The following CDH4 variants were observed in gnomAD, a reference collection of about 807,000 sequenced individuals.
CDH4 encodes the protein cadherin-4.
A neutral mutation model predicts 86.0 loss-of-function variants in CDH4; 33 were observed. The ratio of observed to expected loss-of-function variants is 0.38; its 90% CI spans 0.29 to 0.51. The LOEUF (loss-of-function observed/expected upper bound fraction) is 0.51, where lower values mean the gene tolerates loss of function less well. Among genes scored for constraint, CDH4 ranks in the 20% least tolerant of loss-of-function variants. CDH4 has a pLI of 0.86. For synonymous variants in CDH4, 555 were observed against 549.4 expected (o/e 1.01, Z -0.14); for missense variants, 1,114 against 1,307.4 (o/e 0.85, Z 2.28).
At chr20:61,556,415 T>G (rs2086177957) in intron 2 of CDH4, among the ~76,000 whole-genome samples, 1 of 152,182 alleles carries the variant, frequency 6.6e-6, no homozygotes, top group Admixed American at 6.5e-5. Flanking sequence ...GCAGAGGAAC[T>G]GTGTTATAAT....
In CDH4 at chr20:61,656,457, G is replaced by A. The variant is rs910381804; in HGVS notation, c.170-87106G>A. Among the ~76,000 whole-genome samples, 56 of 152,030 alleles carry A rather than the reference G, an allele frequency of 3.7e-4. 3 individuals are homozygous for A. The highest frequency in any genetic ancestry group is 2.9e-5 in the Non-Finnish European group (2 of 67,984). On this transcript the variant is annotated intron_variant, in intron 2 of 15. Transcript: ENST00000614565. ...GCTGGGGTGGAAAGGTTTGTGATTG[G>A]GTGGACAGGTGCGTGTTGGGGTGGG...
At chr20:61,634,739 G>A (rs934136479) in intron 2 of CDH4, among the ~76,000 whole-genome samples, 1 of 152,206 alleles carries the variant, frequency 6.6e-6, no homozygotes. Context: ...TCACATAGCT[G>A]TGCGGACATC....
At chr20:61,885,781 G>C (rs1191097804) in intron 7 of CDH4, among the ~76,000 whole-genome samples, 1 of 152,196 alleles carries the variant, frequency 6.6e-6, no homozygotes, top group Non-Finnish European at 1.5e-5. Flanking sequence ...TCAGGCTCCG[G>C]ACAGACCCCA....
chr20:61,932,914 C>T (rs1483639101), intron 13 of CDH4, 71 bp from the exon 14 acceptor site: 4 of 1,566,390 alleles, frequency 2.6e-6, no homozygotes, highest in South Asian at 1.2e-5. Context: ...CACATAGACA[C>T]ATGGCAAACA....
intron 2 of CDH4, among the ~76,000 whole-genome samples, chr20:61,400,583 G>A (rs2085044020): frequency 6.6e-6 from 1 of 152,176 alleles, no homozygotes. Flanking sequence ...GCTCCATATG[G>A]TCACGCATGG....
intron 2 of CDH4, among the ~76,000 whole-genome samples, chr20:61,727,211 C>T (rs2088125565): frequency 2.0e-5 from 3 of 151,164 alleles, no homozygotes; most frequent in African/African-American, 7.3e-5. Flanking sequence ...ATCTTCACCA[C>T]CGGAGCCATC....
At chr20:61,685,566 GCTTT>G (rs1229246098) in intron 2 of CDH4, among the ~76,000 whole-genome samples, 1 of 152,228 alleles carries the variant, frequency 6.6e-6, no homozygotes, top group Non-Finnish European at 1.5e-5. Context: ...TGTTTGTGGC[GCTTT>G]CTGTCAGTGT....
At chr20:61,733,568 A>G (rs2088222147) in intron 2 of CDH4, among the ~76,000 whole-genome samples, 2 of 152,080 alleles carry the variant, frequency 1.3e-5, no homozygotes. Context: ...TTCCCACCAC[A>G]CTACATGCCA....
chr20:61,702,151 G>A (rs1193323018), intron 2 of CDH4, among the ~76,000 whole-genome samples: 1 of 152,230 alleles, frequency 6.6e-6, no homozygotes, highest in Non-Finnish European at 1.5e-5. Context: ...TTCTCATGCT[G>A]AGAGTTGGCC....
intron 8 of CDH4, among the ~76,000 whole-genome samples, chr20:61,898,982 C>T (rs758960442): frequency 1.8e-4 from 28 of 152,152 alleles, no homozygotes; most frequent in Non-Finnish European, 3.2e-4. Flanking sequence ...ACCTTCTCAG[C>T]CCAGTTTCCC....
At chr20:61,396,724 G>C (rs6142818) in intron 2 of CDH4, among the ~76,000 whole-genome samples, 34,766 of 152,116 alleles carry the variant, frequency 0.23, 4,049 homozygotes, top group East Asian at 0.39. Flanking sequence ...CGGAGGCCCC[G>C]AAGGGGTAGC....
intron 4 of CDH4, among the ~76,000 whole-genome samples, chr20:61,806,775 A>G (rs1311973986): frequency 6.6e-6 from 1 of 152,158 alleles, no homozygotes; most frequent in African/African-American, 2.4e-5. Context: ...GGACATGTTC[A>G]TCAACATGCA....
rs1351221615 is a variant in CDH4, at chr20:61,254,836, A to G, written c.68A>G (p.Glu23Gly). 1 of 1,597,428 alleles carries G rather than the reference A, an allele frequency of 6.3e-7. No homozygotes were observed. The highest frequency in any genetic ancestry group is 1.7e-5 in the Admixed American group (1 of 60,014). ...SLSGALRAHN[E>G]DLTTRETCKA... ...CCTTTGTGTTCTCAGGCCCATAATG[A>G]GGATCTTACAACTAGAGAGACCTGC... Residue 23 changes from glutamate to glycine, a missense_variant, in exon 2 of 16, where the codon GAG (glutamate) becomes GGG (glycine). By Grantham distance (98) the Glu-to-Gly change is moderately conservative. Coordinates refer to ENST00000614565, the MANE Select transcript of CDH4 (RefSeq NM_001794.5).
intron 2 of CDH4, among the ~76,000 whole-genome samples, chr20:61,536,844 A>G (rs2086001046): frequency 6.6e-6 from 1 of 152,176 alleles, no homozygotes; most frequent in Non-Finnish European, 1.5e-5. Context: ...GGCACAGCAG[A>G]GAGCTGGCCA....
intron 4 of CDH4, among the ~76,000 whole-genome samples, chr20:61,842,927 T>G (rs1214590731): frequency 6.6e-6 from 1 of 152,222 alleles, no homozygotes; most frequent in African/African-American, 2.4e-5. Flanking sequence ...CGTTGTTATA[T>G]TATTATTAAA....
rs984343805 is a variant in CDH4, at chr20:61,443,049, C to T, written c.169+188112C>T. On this transcript the variant is annotated intron_variant, in intron 2 of 15. Transcript: ENST00000614565. ...TGCCAGTGTGTCTTGGAGACCAAAG[C>T]AACCCCTGATTGAGAACCGCTGCCT... Among the ~76,000 whole-genome samples the T allele has an allele frequency of 5.3e-5, 8 of 152,194 alleles. No homozygotes were observed. The South Asian group carries it at 1.7e-3, about 31-fold the overall frequency.
chr20:61,538,132 C>T (rs1031265336), intron 2 of CDH4, among the ~76,000 whole-genome samples: 2 of 152,154 alleles, frequency 1.3e-5, no homozygotes, highest in Admixed American at 6.5e-5. Context: ...TCAAGTCCAC[C>T]CAAAGCTGTA....
At chr20:61,678,891 T>G (rs2087475642) in intron 2 of CDH4, among the ~76,000 whole-genome samples, 1 of 152,228 alleles carries the variant, frequency 6.6e-6, no homozygotes, top group Non-Finnish European at 1.5e-5. Flanking sequence ...CTAATTACAC[T>G]GGCAGATAAG....
intron 2 of CDH4, among the ~76,000 whole-genome samples, chr20:61,670,263 C>T (rs904750806): frequency 6.6e-6 from 1 of 152,216 alleles, no homozygotes; most frequent in South Asian, 2.1e-4. Context: ...CAGGTCCTCA[C>T]CCCCATGCTG....
Sources: gnomAD v4.1 joint callset for allele counts (sites outside exome capture counted in the v4.1 genomes callset) on GRCh38, gnomAD v4.1.1 for gene constraint, MANE v1.5 for transcripts, NCBI Gene and HGNC (gene_info 2026-07-23, HGNC 2026-07-21) for gene names.